Variants in MACROD2 observed in about 807,000 individuals in gnomAD.
MACROD2 encodes mono-ADP ribosylhydrolase 2.
MACROD2 carries 36 observed loss-of-function variants against 70.4 expected under a neutral mutation model. That is an observed-to-expected ratio of 0.51 (90% confidence interval 0.39 to 0.68). MACROD2 has a LOEUF of 0.68. Ranked by LOEUF, MACROD2 falls within the 30% of genes least tolerant of loss-of-function variation. The pLI is 0.00. For missense variants in MACROD2, 496 were observed against 538.4 expected (o/e 0.92, Z 0.78); for synonymous variants, 172 against 178.8 (o/e 0.96, Z 0.30).
At chr20:15,020,354 G>A (rs1311354211) in intron 5 of MACROD2, among the ~76,000 whole-genome samples, 2 of 152,148 alleles carry the variant, frequency 1.3e-5, no homozygotes, top group African/African-American at 2.4e-5. Context: ...AGTTGTCTCA[G>A]TGAAATTTCT....
At chr20:14,518,390 T>C (rs2085126634) in intron 4 of MACROD2, among the ~76,000 whole-genome samples, 1 of 152,164 alleles carries the variant, frequency 6.6e-6, no homozygotes, top group Non-Finnish European at 1.5e-5. Context: ...GTCATTTCAT[T>C]AGATAGAACT....
intron 3 of MACROD2, among the ~76,000 whole-genome samples, chr20:14,273,529 A>G (rs2082218531): frequency 6.7e-6 from 1 of 148,244 alleles, no homozygotes; most frequent in African/African-American, 2.5e-5. Flanking sequence ...CTAAATGCCC[A>G]CAAGAGAAAG....
chr20:14,387,178 T>C (rs1311127116), intron 3 of MACROD2, among the ~76,000 whole-genome samples: 10 of 152,224 alleles, frequency 6.6e-5, no homozygotes, highest in Admixed American at 5.2e-4. Context: ...GTTTCTCTTT[T>C]ACCTGTAAAA....
At chr20:14,235,825 A>G (rs1012978003) in intron 3 of MACROD2, among the ~76,000 whole-genome samples, 1 of 152,188 alleles carries the variant, frequency 6.6e-6, no homozygotes, top group African/African-American at 2.4e-5. Flanking sequence ...CTCATTTACA[A>G]GAGCATGAAC....
chr20:15,836,479 G>A (rs1021174253), intron 8 of MACROD2, among the ~76,000 whole-genome samples: 1 of 152,154 alleles, frequency 6.6e-6, no homozygotes, highest in African/African-American at 2.4e-5. Flanking sequence ...TTTTTAGAGA[G>A]AAATACAATT....
At chr20:15,474,590 G>A (rs1004486896) in intron 7 of MACROD2, among the ~76,000 whole-genome samples, 3 of 152,166 alleles carry the variant, frequency 2.0e-5, no homozygotes, top group Non-Finnish European at 4.4e-5. Context: ...TTAAAAATGA[G>A]CAATCGGAAA....
intron 3 of MACROD2, among the ~76,000 whole-genome samples, chr20:14,179,570 A>G (rs1025628422): frequency 6.6e-6 from 1 of 152,148 alleles, no homozygotes; most frequent in African/African-American, 2.4e-5. Context: ...TATTTGTTTG[A>G]TTACATTAGA....
chr20:14,672,283 A>G (rs1411822469), intron 4 of MACROD2, among the ~76,000 whole-genome samples: 1 of 152,220 alleles, frequency 6.6e-6, no homozygotes, highest in Non-Finnish European at 1.5e-5. Flanking sequence ...CCTGTTCCAT[A>G]TAATCTCTCA....
At chr20:14,983,336 A>G (rs2074818910) in intron 5 of MACROD2, among the ~76,000 whole-genome samples, 1 of 151,954 alleles carries the variant, frequency 6.6e-6, no homozygotes, top group Non-Finnish European at 1.5e-5. Context: ...ATGAGTTAAG[A>G]CTTTGGGGGA....
chr20:15,667,658 A>G (rs1307482925), intron 8 of MACROD2, among the ~76,000 whole-genome samples: 2 of 152,172 alleles, frequency 1.3e-5, no homozygotes, highest in South Asian at 2.1e-4. Flanking sequence ...ATTACATATC[A>G]TCTAATACCC....
chr20:14,308,622 G>GT (rs555279295), intron 3 of MACROD2, among the ~76,000 whole-genome samples: 128 of 152,232 alleles, frequency 8.4e-4, no homozygotes, highest in African/African-American at 2.8e-3. Context: ...CATGCAGTAT[G>GT]TTTTAACAAA....
intron 3 of MACROD2, among the ~76,000 whole-genome samples, chr20:14,268,113 T>G (rs1438232850): frequency 6.6e-6 from 1 of 152,084 alleles, no homozygotes; most frequent in Non-Finnish European, 1.5e-5. Context: ...TTGCATAAGA[T>G]TTGTCCATAC....
intron 8 of MACROD2, among the ~76,000 whole-genome samples, chr20:15,859,879 G>A (rs2064401716): frequency 6.6e-6 from 1 of 151,740 alleles, no homozygotes; most frequent in South Asian, 2.1e-4. Context: ...TATTTGAAAT[G>A]TCTGTATATG....
In MACROD2 at chr20:15,254,929, CTTTTTTT is replaced by C. The variant is rs762538763; in HGVS notation, c.540+24887_540+24893del. ...TAAACCATTTGGGGCCAAAGCACAC[CTTTTTTT>C]TTTTTTTTTTTTTTTTTTCAGTTAA... On this transcript the variant is annotated intron_variant, in intron 6 of 17. Transcript: ENST00000684519. Among the ~76,000 whole-genome samples, 5 of 80,542 alleles carry C rather than the reference CTTTTTTT, an allele frequency of 6.2e-5. No individual in the cohort carries two copies. The South Asian group carries it at 1.3e-3, about 22-fold the overall frequency. The allele number at this position is 80,542 out of a possible 152,430, so 52.8% of individuals were successfully genotyped here.
chr20:15,771,854 G>T (rs1047127453), intron 8 of MACROD2, among the ~76,000 whole-genome samples: 1 of 149,882 alleles, frequency 6.7e-6, no homozygotes, highest in African/African-American at 2.5e-5. Flanking sequence ...GGAGGCCGAG[G>T]TGGGCGGATC....
At chr20:15,446,094 A>G (rs2046562004) in intron 7 of MACROD2, among the ~76,000 whole-genome samples, 1 of 152,202 alleles carries the variant, frequency 6.6e-6, no homozygotes, top group African/African-American at 2.4e-5. Flanking sequence ...AATAAATGTC[A>G]TGATGGCAAT....
intron 3 of MACROD2, among the ~76,000 whole-genome samples, chr20:14,366,253 A>T (rs2083270929): frequency 3.3e-5 from 5 of 151,400 alleles, no homozygotes; most frequent in Admixed American, 3.3e-4. Flanking sequence ...AATTCTGTCA[A>T]TTTTTGCTTT....
chr20:15,837,799 T>A (rs1428613020), intron 8 of MACROD2, among the ~76,000 whole-genome samples: 1 of 152,204 alleles, frequency 6.6e-6, no homozygotes. Flanking sequence ...CGAAAGAAGC[T>A]GATGCTTATC....
intron 2 of MACROD2, among the ~76,000 whole-genome samples, chr20:14,067,661 G>A (rs2053782382): frequency 6.6e-6 from 1 of 152,152 alleles, no homozygotes. Flanking sequence ...GCAGATTATA[G>A]CAGTAGGATA....
Sources: gnomAD v4.1 joint callset for allele counts (sites outside exome capture counted in the v4.1 genomes callset) on GRCh38, gnomAD v4.1.1 for gene constraint, MANE v1.5 for transcripts, NCBI Gene and HGNC (gene_info 2026-07-23, HGNC 2026-07-21) for gene names.